Variants in RSPH14 observed in about 807,000 individuals in gnomAD.
RSPH14 encodes radial spoke head 14 homolog, also known as rhabdoid tumor deletion region gene 1.
RSPH14 carries 20 observed loss-of-function variants against 26.7 expected under a neutral mutation model. The observed-to-expected ratio is 0.75, with a 90% CI of 0.53 to 1.09. The LOEUF is 1.09. RSPH14 is among the 50% of genes least tolerant of loss of function. The pLI, the probability that RSPH14 is intolerant of heterozygous loss-of-function variation, is 0.00. For synonymous variants in RSPH14, 177 were observed against 189.3 expected (o/e 0.93, Z 0.53); for missense variants, 449 against 457.2 (o/e 0.98, Z 0.16).
intron 4 of RSPH14, among the ~76,000 whole-genome samples, chr22:23,088,971 C>T (rs1415717267): frequency 2.6e-5 from 4 of 152,220 alleles, no homozygotes; most frequent in African/African-American, 9.6e-5. Flanking sequence ...AGTTCCGTCT[C>T]CTCAACAAGC....
At chr22:23,063,199 G>A (rs1056301022) in intron 5 of RSPH14, among the ~76,000 whole-genome samples, 11 of 152,058 alleles carry the variant, frequency 7.2e-5, no homozygotes, top group East Asian at 1.9e-4. Context: ...CAAACCTCCC[G>A]GTGGCTTGGG....
chr22:23,179,482 C>T, the RSPH14 span, among the ~76,000 whole-genome samples: 2 of 152,194 alleles, frequency 1.3e-5, no homozygotes, highest in Non-Finnish European at 2.9e-5. Context: ...GTCTTCCACC[C>T]AGCCCTGTGA....
At chr22:23,175,993 C>T in the RSPH14 span, among the ~76,000 whole-genome samples, 2 of 152,254 alleles carry the variant, frequency 1.3e-5, no homozygotes, top group South Asian at 4.1e-4. Context: ...CAGTAACTGT[C>T]CCTTCTCCAC....
At chr22:23,180,402 AG>A in the RSPH14 span, 3 of 159,368 alleles carry the variant, frequency 1.9e-5, no homozygotes, top group East Asian at 1.4e-4. Context: ...AGCCGCCTCC[AG>A]GGGGCCCCCC....
At chr22:23,062,079 A>G in intron 5 of RSPH14, 134 bp from the exon 6 acceptor site, 1 of 1,091,946 alleles carries the variant, frequency 9.2e-7, no homozygotes, top group Non-Finnish European at 1.3e-6. Context: ...ACTGGTCCCC[A>G]TGATCCAGGA....
chr22:23,087,388 C>T (rs1369846989), intron 4 of RSPH14, among the ~76,000 whole-genome samples: 1 of 152,036 alleles, frequency 6.6e-6, no homozygotes, highest in African/African-American at 2.4e-5. Flanking sequence ...CGCTTGAGCC[C>T]GGGGGGTTGA....
chr22:23,175,097 C>T, the RSPH14 span, among the ~76,000 whole-genome samples: 4 of 148,976 alleles, frequency 2.7e-5, no homozygotes, highest in African/African-American at 7.4e-5. Flanking sequence ...CCTGGGTTCA[C>T]GCCATTCTCC....
Position 23,059,739 on chromosome 22 carries a change from G to A in RSPH14, c.791-21C>T, listed in dbSNP as rs187358992. The A allele has an allele frequency of 2.8e-4, 429 of 1,505,882 alleles. 4 individuals carry two copies. The South Asian group carries it at 3.4e-3, about 12-fold the overall frequency. 93.3% of individuals were successfully genotyped at this position (1,505,882 alleles called of 1,614,324 possible). A position where few individuals can be genotyped will look rare whatever the true frequency, so the allele number is the denominator to read the frequency against. ...CTTCCCTGCAGGCCACCAACACAAGGCGTTCCAAACAGCCCAAGGGGCCCT... is the reference window on the plus strand; with the variant it reads ...CTTCCCTGCAGGCCACCAACACAAGACGTTCCAAACAGCCCAAGGGGCCCT... On this transcript the variant is annotated intron_variant, in intron 6 of 6. Transcript: ENST00000216036.
upstream of RSPH14, among the ~76,000 whole-genome samples, chr22:23,143,824 C>T (rs759184262): frequency 1.3e-5 from 2 of 152,342 alleles, no homozygotes; most frequent in South Asian, 2.1e-4. Flanking sequence ...GGTGTGCTGG[C>T]TTACGCCTGT....
At chr22:23,112,463 A>G (rs1448879475) in intron 4 of RSPH14, among the ~76,000 whole-genome samples, 1 of 152,158 alleles carries the variant, frequency 6.6e-6, no homozygotes, top group Non-Finnish European at 1.5e-5. Flanking sequence ...GGGTGCAGCC[A>G]GGAGGCCAGA....
intron 4 of RSPH14, among the ~76,000 whole-genome samples, chr22:23,113,015 G>A (rs1345199487): frequency 1.3e-5 from 2 of 152,258 alleles, no homozygotes; most frequent in East Asian, 1.9e-4. Flanking sequence ...ACCAGAAGAA[G>A]GGGACCTGCT....
At chr22:23,141,083 A>AGGG (rs2070591337) in intron 1 of RSPH14, among the ~76,000 whole-genome samples, 1 of 152,172 alleles carries the variant, frequency 6.6e-6, no homozygotes, top group African/African-American at 2.4e-5. Context: ...TAATCCCAGC[A>AGGG]CTTTGGGAGG....
the RSPH14 span, among the ~76,000 whole-genome samples, chr22:23,172,981 T>A: frequency 7.2e-6 from 1 of 139,576 alleles, no homozygotes; most frequent in Non-Finnish European, 1.5e-5. Context: ...ATATTTGGAA[T>A]CATACAGTAT....
chr22:23,128,483 C>T (rs1309754679), intron 4 of RSPH14, among the ~76,000 whole-genome samples: 2 of 152,220 alleles, frequency 1.3e-5, no homozygotes, highest in African/African-American at 4.8e-5. Flanking sequence ...GGCACCACCA[C>T]GGCGCATGAG....
At chr22:23,100,902 G>A (rs5996465) in intron 4 of RSPH14, among the ~76,000 whole-genome samples, 10,464 of 152,272 alleles carry the variant, frequency 0.069, 388 homozygotes, top group African/African-American at 0.084. Context: ...TGAACACAGC[G>A]TGTTCCTGCC....
intron 3 of RSPH14, among the ~76,000 whole-genome samples, chr22:23,138,557 G>A (rs1394044989): frequency 6.6e-6 from 1 of 151,792 alleles, no homozygotes; most frequent in Non-Finnish European, 1.5e-5. Flanking sequence ...GTGAGAGACT[G>A]TCTCAAAAAA....
At chr22:23,145,435 A>G (rs2070706574), upstream of RSPH14, 1 of 1,610,708 alleles carries the variant, frequency 6.2e-7, no homozygotes, top group Non-Finnish European at 8.5e-7. Context: ...CCCGCCCACG[A>G]CGTCGACGAT....
the RSPH14 span, among the ~76,000 whole-genome samples, chr22:23,156,803 C>T: frequency 0.031 from 4,693 of 152,302 alleles, 250 homozygotes; most frequent in African/African-American, 0.11. Flanking sequence ...CTGCACCCTT[C>T]GCCTCTTCGG....
chr22:23,148,793 A>G (rs1219955786), upstream of RSPH14, among the ~76,000 whole-genome samples: 1 of 152,210 alleles, frequency 6.6e-6, no homozygotes, highest in African/African-American at 2.4e-5. Context: ...TGTAATGACC[A>G]TTGTGTCTGA....
Sources: allele counts gnomAD v4.1 joint callset (sites outside exome capture counted in the v4.1 genomes callset), GRCh38; gene constraint gnomAD v4.1.1; transcripts MANE v1.5; gene names NCBI Gene and HGNC (gene_info 2026-07-23, HGNC 2026-07-21).